CASZ1: variants seen among roughly 807,000 people sequenced by gnomAD.
CASZ1 encodes zinc finger protein castor homolog 1.
CASZ1 carries 28 observed loss-of-function variants against 135.2 expected under a neutral mutation model. The observed-to-expected ratio is 0.21, with a 90% CI of 0.15 to 0.28. The LOEUF (loss-of-function observed/expected upper bound fraction) is 0.28. Ranked by LOEUF, CASZ1 falls within the 10% of genes least tolerant of loss-of-function variation. The pLI is 1.00. For missense variants in CASZ1, 2,161 were observed against 2,453.3 expected (o/e 0.88, Z 2.52); for synonymous variants, 1,068 against 1,073.4 (o/e 0.99, Z 0.10).
In CASZ1 at chr1:10,709,361, G is replaced by C. The variant is rs1639238421; in HGVS notation, c.-76-3817C>G. ...CTGGCCAGCCCTTTCACAGGGGCTG[G>C]GGCCATGTCAGCCCGGCAGTGTGAG... On this transcript the variant is annotated intron_variant, in intron 2 of 20. Transcript: ENST00000377022. This position sits in a 1 kb window ranked among gnomAD's most constrained non-coding sequence, Gnocchi z 5.1. 2.0e-5 allele frequency among the ~76,000 whole-genome samples: 3 copies of C among 152,086 alleles called. No individual in the cohort carries two copies. The highest frequency in any genetic ancestry group is 6.5e-5 in the Admixed American group (1 of 15,278).
At chr1:10,783,749 G>A (rs11121618) in intron 1 of CASZ1, among the ~76,000 whole-genome samples, 8,310 of 151,440 alleles carry the variant, frequency 0.055, 283 homozygotes, top group African/African-American at 0.093. Flanking sequence ...ACGCACGCCT[G>A]TAATCCCAGC....
intron 4 of CASZ1, among the ~76,000 whole-genome samples, chr1:10,686,791 G>A (rs1638605782): frequency 6.6e-6 from 1 of 152,206 alleles, no homozygotes; most frequent in Non-Finnish European, 1.5e-5. Flanking sequence ...ACCTCTGGGG[G>A]TGGGGACGCT....
At chr1:10,705,075 C>G (rs1201149735) in intron 3 of CASZ1, among the ~76,000 whole-genome samples, 1 of 152,238 alleles carries the variant, frequency 6.6e-6, no homozygotes, top group Non-Finnish European at 1.5e-5. Context: ...GCCTTCGAGT[C>G]CATGCGGTTC....
rs2100640939 is a variant in CASZ1 at position 10,794,134 on chromosome 1, C to A, written c.-234+2430G>T. On this transcript the variant is annotated intron_variant, in intron 1 of 20. Coordinates refer to ENST00000377022, the MANE Select transcript of CASZ1 (RefSeq NM_001079843.3). This position sits in a 1 kb window ranked among gnomAD's most constrained non-coding sequence, Gnocchi z 5.6. ...GGGACAGCTCCCTTTAGGACGGCGA[C>A]GTGTGTGTGTGCGCGTGTGTGTGCG... Among the ~76,000 whole-genome samples, 1 of 151,434 alleles carries A rather than the reference C, an allele frequency of 6.6e-6. No homozygotes were observed. The highest frequency in any genetic ancestry group is 2.0e-4 in the East Asian group (1 of 5,074).
At position 10,636,771 on chromosome 1, in the gene CASZ1, C is replaced by G. The variant is rs1642007883; in HGVS notation, c.*2171G>C. On this transcript the variant is annotated 3_prime_UTR_variant, in exon 21 of 21. Coordinates refer to ENST00000377022, the MANE Select transcript of CASZ1 (RefSeq NM_001079843.3). Reference sequence around the variant, plus strand: ...AACCAGGTGCCGAGGAGACCAGATTCAAGTAATCAGAGCACACGCTGTTCA... The same window carrying G: ...AACCAGGTGCCGAGGAGACCAGATTGAAGTAATCAGAGCACACGCTGTTCA... The G allele has an allele frequency of 6.6e-6, 1 of 152,112 alleles. No individual in the cohort carries two copies. Among genetic ancestry groups the G allele is most frequent in the Non-Finnish European group, 1.5e-5 (1 of 67,990 alleles). 9.4% of individuals were successfully genotyped at this position (152,112 alleles called of 1,614,324 possible).
chr1:10,643,677 G>A (rs1378086949), intron 18 of CASZ1, among the ~76,000 whole-genome samples: 1 of 152,208 alleles, frequency 6.6e-6, no homozygotes, highest in Non-Finnish European at 1.5e-5. Flanking sequence ...TCTCTGCTGG[G>A]GAGCCCGGGG....
chr1:10,724,833 G>C lies in CASZ1; in HGVS notation c.-76-19289C>G, dbSNP rs1375791210. ...GGGAGCCTCGGAGGATGACATAAGGGGGACACAGCCAACCTGGGGAAGAGA... is the reference window on the plus strand; with the variant it reads ...GGGAGCCTCGGAGGATGACATAAGGCGGACACAGCCAACCTGGGGAAGAGA... On this transcript the variant is annotated intron_variant, in intron 2 of 20. Coordinates refer to ENST00000377022, the MANE Select transcript of CASZ1 (RefSeq NM_001079843.3). The surrounding 1 kb of genome is among the most constrained non-coding windows in gnomAD (Gnocchi z 4.1). Among the ~76,000 whole-genome samples, 1 of 152,168 alleles carries C rather than the reference G, an allele frequency of 6.6e-6. No homozygotes were observed. Among genetic ancestry groups the C allele is most frequent in the Non-Finnish European group, 1.5e-5 (1 of 68,024 alleles).
At chr1:10,653,163 C>A (rs1283018577) in intron 11 of CASZ1, 2 of 634,788 alleles carry the variant, frequency 3.2e-6, no homozygotes, top group Admixed American at 2.5e-5. Flanking sequence ...GAAACAGAAG[C>A]ATGGCCCCCC....
rs992557299 is a variant in CASZ1 at position 10,676,250 on chromosome 1, G to A, written c.17-10679C>T. Reference sequence around the variant, plus strand: ...CCCTGCTGGACTGGCCCGGACCCCCGTCCCCCATGCTGCTTCTCATTCCCT... The same window carrying A: ...CCCTGCTGGACTGGCCCGGACCCCCATCCCCCATGCTGCTTCTCATTCCCT... On this transcript the variant is annotated intron_variant, in intron 4 of 20. Transcript: ENST00000377022. This position sits in a 1 kb window ranked among gnomAD's most constrained non-coding sequence, Gnocchi z 4.5. 7.2e-5 allele frequency among the ~76,000 whole-genome samples: 11 copies of A among 152,018 alleles called. No individual in the cohort carries two copies. The highest frequency in any genetic ancestry group is 2.7e-4 in the African/African-American group (11 of 41,394).
Position 10,666,995 on chromosome 1 carries a change from C to T in CASZ1, c.17-1424G>A, listed in dbSNP as rs112136460. ...CCATGGCCCTCACGGGAGGAATGGGCGTGTCAGAGTCTCCACATAGGCGGG... is the reference window on the plus strand; with the variant it reads ...CCATGGCCCTCACGGGAGGAATGGGTGTGTCAGAGTCTCCACATAGGCGGG... On this transcript the variant is annotated intron_variant, in intron 4 of 20. Coordinates refer to ENST00000377022, the MANE Select transcript of CASZ1 (RefSeq NM_001079843.3). This position sits in a 1 kb window ranked among gnomAD's most constrained non-coding sequence, Gnocchi z 5.2. Among the ~76,000 whole-genome samples, 361 of 152,292 alleles carry T rather than the reference C, an allele frequency of 2.4e-3. 5 individuals are homozygous for T. Among genetic ancestry groups the T allele is most frequent in the African/African-American group, 8.1e-3 (336 of 41,558 alleles).
At position 10,735,404 on chromosome 1, in the gene CASZ1, C is replaced by G. The variant is rs1470785976; in HGVS notation, c.-77+25297G>C. Among the ~76,000 whole-genome samples, 2 of 152,162 alleles carry G rather than the reference C, an allele frequency of 1.3e-5. No individual in the cohort carries two copies. The highest frequency in any genetic ancestry group is 6.5e-5 in the Admixed American group (1 of 15,274). ...CAAACGCAGGCGAGGCCCGGGAGCT[C>G]TGGGAGGGGACGGGGGACTGGCGGA... On this transcript the variant is annotated intron_variant, in intron 2 of 20. Transcript: ENST00000377022. This position sits in a 1 kb window ranked among gnomAD's most constrained non-coding sequence, Gnocchi z 5.1.
intron 4 of CASZ1, among the ~76,000 whole-genome samples, chr1:10,671,540 C>G (rs1045388793): frequency 6.6e-6 from 1 of 152,166 alleles, no homozygotes; most frequent in Admixed American, 6.5e-5. Flanking sequence ...TGCCCTGCTC[C>G]GGGCAAGTGT....
Position 10,647,674 on chromosome 1 carries a change from T to TGCCCCAGAGAGGCTGG in CASZ1, c.3497+111_3497+126dup. Reference sequence around the variant, plus strand: ...CTAGAAGGACATCACCCGATGGCCATGCCCCAGAGAGGCTGGGGACAGCAG... The same window carrying TGCCCCAGAGAGGCTGG: ...CTAGAAGGACATCACCCGATGGCCATGCCCCAGAGAGGCTGGGCCCCAGAGAGGCTGGGGACAGCAG... On this transcript the variant is annotated intron_variant, in intron 16 of 20. Transcript: ENST00000377022. The surrounding 1 kb of genome is among the most constrained non-coding windows in gnomAD (Gnocchi z 4.9). The TGCCCCAGAGAGGCTGG allele has an allele frequency of 6.6e-7, 1 of 1,508,904 alleles. No individual in the cohort carries two copies. Among genetic ancestry groups the TGCCCCAGAGAGGCTGG allele is most frequent in the Non-Finnish European group, 8.8e-7 (1 of 1,134,182 alleles). 93.5% of individuals were successfully genotyped at this position (1,508,904 alleles called of 1,614,324 possible). A position where few individuals can be genotyped will look rare whatever the true frequency, so the allele number is the denominator to read the frequency against.
Position 10,646,543 on chromosome 1 carries a change from C to T in CASZ1, c.3498-217G>A, listed in dbSNP as rs1427627625. ...CCTTTTAGGAGCTCTGCATGGTGCA[C>T]AGGGATTGCAATATGCAGGGTGCCC... On this transcript the variant is annotated intron_variant, in intron 16 of 20. Transcript: ENST00000377022. This position sits in a 1 kb window ranked among gnomAD's most constrained non-coding sequence, Gnocchi z 6.4. Among the ~76,000 whole-genome samples the T allele has an allele frequency of 6.6e-6, 1 of 152,202 alleles. No homozygotes were observed. The highest frequency in any genetic ancestry group is 2.4e-5 in the African/African-American group (1 of 41,452).
intron 2 of CASZ1, among the ~76,000 whole-genome samples, chr1:10,732,311 A>G (rs1570535606): frequency 6.9e-6 from 1 of 144,144 alleles, no homozygotes; most frequent in East Asian, 2.1e-4. Flanking sequence ...ACAGAGCAAG[A>G]CTCCGTCTCA....
chr1:10,743,061 A>G (rs1241820053), intron 2 of CASZ1, among the ~76,000 whole-genome samples: 1 of 152,140 alleles, frequency 6.6e-6, no homozygotes, highest in Non-Finnish European at 1.5e-5. Flanking sequence ...CCCTGAAAGC[A>G]GTACTGAAAG....
At chr1:10,680,277 GC>G (rs1314980121) in intron 4 of CASZ1, among the ~76,000 whole-genome samples, 6 of 142,886 alleles carry the variant, frequency 4.2e-5, no homozygotes, top group African/African-American at 5.0e-5. Context: ...GGGCGGGGCG[GC>G]GGGGGATGGT....
intron 1 of CASZ1, among the ~76,000 whole-genome samples, chr1:10,786,936 G>C (rs1306201719): frequency 1.3e-5 from 2 of 152,004 alleles, no homozygotes; most frequent in Admixed American, 1.3e-4. Flanking sequence ...CCAGGCTCAC[G>C]GCTTTCTGGA....
chr1:10,781,226 G>A (rs569674525), intron 1 of CASZ1, among the ~76,000 whole-genome samples: 2 of 152,332 alleles, frequency 1.3e-5, no homozygotes, highest in South Asian at 4.1e-4. Context: ...ACAGGCCCAG[G>A]CCAGCCCCTC....
Sources: allele counts gnomAD v4.1 joint callset (sites outside exome capture counted in the v4.1 genomes callset), GRCh38; gene constraint gnomAD v4.1.1; non-coding constraint Gnocchi (gnomAD v3.1); transcripts MANE v1.5; gene names NCBI Gene and HGNC (gene_info 2026-07-23, HGNC 2026-07-21).